The following WDFY2 variants were observed in gnomAD, a reference collection of about 807,000 sequenced individuals.
WDFY2 encodes the protein WD repeat and FYVE domain-containing protein 2.
Under a neutral mutation model 56.4 loss-of-function variants are expected in WDFY2, and 36 were observed. That is an observed-to-expected ratio of 0.64 (90% CI 0.49 to 0.84). The LOEUF (loss-of-function observed/expected upper bound fraction) is 0.84, where lower values mean the gene tolerates loss of function less well. WDFY2 is among the 40% of genes least tolerant of loss of function. WDFY2 has a pLI of 0.00. For synonymous variants in WDFY2, 176 were observed against 183.7 expected (o/e 0.96, Z 0.34); for missense variants, 444 against 512.2 (o/e 0.87, Z 1.29).
intron 10 of WDFY2, among the ~76,000 whole-genome samples, chr13:51,757,295 G>C (rs1689994460): frequency 6.6e-6 from 1 of 152,166 alleles, no homozygotes; most frequent in Non-Finnish European, 1.5e-5. Context: ...GAGAGTGCAA[G>C]AGACCTTAGA....
chr13:51,695,793 G>GAGGC (rs1951860832), intron 3 of WDFY2, among the ~76,000 whole-genome samples: 1 of 152,232 alleles, frequency 6.6e-6, no homozygotes, highest in Admixed American at 6.5e-5. Flanking sequence ...GGAGCCTACA[G>GAGGC]AGGCAGGCAG....
At chr13:51,686,852 C>T (rs1409244965) in intron 3 of WDFY2, among the ~76,000 whole-genome samples, 2 of 151,716 alleles carry the variant, frequency 1.3e-5, no homozygotes, top group African/African-American at 4.8e-5. Context: ...AGCAATTAGC[C>T]TCTCTTTTTT....
At chr13:51,682,804 G>T (rs902210790) in intron 3 of WDFY2, among the ~76,000 whole-genome samples, 4 of 152,160 alleles carry the variant, frequency 2.6e-5, no homozygotes, top group Admixed American at 2.6e-4. Context: ...TCCTCCATTT[G>T]CAGTAACCAG....
At chr13:51,593,022 A>C (rs1954081209) in intron 1 of WDFY2, among the ~76,000 whole-genome samples, 1 of 152,238 alleles carries the variant, frequency 6.6e-6, no homozygotes, top group South Asian at 2.1e-4. Context: ...ATCCCTTAGC[A>C]CAGTGACTGT....
At chr13:51,697,213 A>G (rs1951894313) in intron 3 of WDFY2, among the ~76,000 whole-genome samples, 1 of 152,228 alleles carries the variant, frequency 6.6e-6, no homozygotes. Flanking sequence ...AGCTTTAGAA[A>G]TATTTTTCCT....
chr13:51,765,994 C>A lies in WDFY2; in HGVS notation c.*6225C>A, dbSNP rs1309515563. 4 of 151,758 alleles carry A rather than the reference C, an allele frequency of 2.6e-5. No individual in the cohort carries two copies. The highest frequency in any genetic ancestry group is 7.3e-5 in the African/African-American group (3 of 41,282). The allele number at this position is 151,758 out of a possible 1,614,324, so 9.4% of individuals were successfully genotyped here. On this transcript the variant is annotated 3_prime_UTR_variant, in exon 12 of 12. Transcript: ENST00000298125. Reference sequence around the variant, plus strand: ...TTTTTTCCCTTGGTTCTCGGGGATGCATGAGAAGGTGAGCTGTCACTCACA... The same window carrying A: ...TTTTTTCCCTTGGTTCTCGGGGATGAATGAGAAGGTGAGCTGTCACTCACA...
intron 1 of WDFY2, chr13:51,598,416 A>T (rs550258703): frequency 1.3e-5 from 2 of 152,242 alleles, no homozygotes; most frequent in East Asian, 3.9e-4. Flanking sequence ...GGTCACAGGG[A>T]TGCTAAGATT....
At chr13:51,609,027 G>C (rs1954438467) in intron 1 of WDFY2, among the ~76,000 whole-genome samples, 1 of 152,160 alleles carries the variant, frequency 6.6e-6, no homozygotes, top group African/African-American at 2.4e-5. Context: ...TTGTGTGTGT[G>C]TGGGTATGTG....
At chr13:51,674,565 G>T (rs1430084181) in intron 2 of WDFY2, among the ~76,000 whole-genome samples, 2 of 152,102 alleles carry the variant, frequency 1.3e-5, no homozygotes, top group Non-Finnish European at 2.9e-5. Context: ...CCTATGATGA[G>T]TTGGTTCTTT....
At chr13:51,703,105 C>G (rs968740437) in intron 3 of WDFY2, among the ~76,000 whole-genome samples, 1 of 152,104 alleles carries the variant, frequency 6.6e-6, no homozygotes. Flanking sequence ...GTACTGTGCC[C>G]GGTGTCCTGG....
chr13:51,726,599 G>A (rs1421945363), intron 5 of WDFY2, among the ~76,000 whole-genome samples: 2 of 152,298 alleles, frequency 1.3e-5, no homozygotes, highest in African/African-American at 2.4e-5. Context: ...CAGGTATTCA[G>A]TGTAAGCCAC....
chr13:51,619,786 G>A (rs552562804), intron 1 of WDFY2, among the ~76,000 whole-genome samples: 2 of 152,310 alleles, frequency 1.3e-5, no homozygotes, highest in East Asian at 1.9e-4. Context: ...GACAGAAAAA[G>A]GAAAGTGATG....
At chr13:51,646,837 G>T (rs1273492368) in intron 1 of WDFY2, among the ~76,000 whole-genome samples, 1 of 152,144 alleles carries the variant, frequency 6.6e-6, no homozygotes, top group African/African-American at 2.4e-5. Flanking sequence ...ATGGGTAGGG[G>T]CATGAACCTG....
chr13:51,624,078 G>A (rs573594629), intron 1 of WDFY2, among the ~76,000 whole-genome samples: 1 of 152,280 alleles, frequency 6.6e-6, no homozygotes, highest in African/African-American at 2.4e-5. Flanking sequence ...GGACCAGGTT[G>A]GGAGAAACCT....
chr13:51,753,173 G>A (rs1953275997), intron 8 of WDFY2: 1 of 152,264 alleles, frequency 6.6e-6, no homozygotes, highest in African/African-American at 2.4e-5. Context: ...CTCTGAGCAG[G>A]AGCACATGGG....
Position 51,759,902 on chromosome 13 carries a change from T to C in WDFY2, c.*133T>C. 1 of 1,002,336 alleles carries C rather than the reference T, an allele frequency of 1.0e-6. No individual in the cohort carries two copies. Among genetic ancestry groups the C allele is most frequent in the East Asian group, 2.5e-5 (1 of 39,224 alleles). 62.1% of individuals were successfully genotyped at this position (1,002,336 alleles called of 1,614,324 possible). A position where few individuals can be genotyped will look rare whatever the true frequency, so the allele number is the denominator to read the frequency against. ...TAAAGACCCTGAATGAATTTGCAGATTACCCATGTGCACAGTGGGGACCTG... is the reference window on the plus strand; with the variant it reads ...TAAAGACCCTGAATGAATTTGCAGACTACCCATGTGCACAGTGGGGACCTG... On this transcript the variant is annotated 3_prime_UTR_variant, in exon 12 of 12. Coordinates refer to ENST00000298125, the MANE Select transcript of WDFY2 (RefSeq NM_052950.4).
intron 2 of WDFY2, among the ~76,000 whole-genome samples, chr13:51,662,869 A>G (rs887113482): frequency 2.6e-5 from 4 of 152,196 alleles, no homozygotes; most frequent in Non-Finnish European, 5.9e-5. Flanking sequence ...TACTAAATAG[A>G]GTTAAAAAGG....
At chr13:51,620,043 A>G (rs1166185380) in intron 1 of WDFY2, among the ~76,000 whole-genome samples, 1 of 152,250 alleles carries the variant, frequency 6.6e-6, no homozygotes, top group Non-Finnish European at 1.5e-5. Flanking sequence ...GATCCTCCTT[A>G]TAAGCCCCTT....
intron 7 of WDFY2, among the ~76,000 whole-genome samples, chr13:51,742,269 CAAAG>C (rs1272030480): frequency 6.6e-6 from 1 of 151,978 alleles, no homozygotes; most frequent in African/African-American, 2.4e-5. Flanking sequence ...GCTTTAGCAC[CAAAG>C]AAAGTGATTG....
Sources: allele counts gnomAD v4.1 joint callset (sites outside exome capture counted in the v4.1 genomes callset), GRCh38; gene constraint gnomAD v4.1.1; transcripts MANE v1.5; gene names NCBI Gene and HGNC (gene_info 2026-07-23, HGNC 2026-07-21).